ANKS1B: variants seen among roughly 807,000 people sequenced by gnomAD.
ANKS1B encodes the protein ankyrin repeat and sterile alpha motif domain containing 1B.
ANKS1B carries 36 observed loss-of-function variants against 148.3 expected under a neutral mutation model. That is an observed-to-expected ratio of 0.24 (90% CI 0.19 to 0.32). The LOEUF (loss-of-function observed/expected upper bound fraction) is 0.32, where lower values mean the gene tolerates loss of function less well. Among genes scored for constraint, ANKS1B ranks in the 10% least tolerant of loss-of-function variants. The pLI is 1.00. For missense variants in ANKS1B, 1,157 were observed against 1,542.6 expected (o/e 0.75, Z 4.19); for synonymous variants, 542 against 560.8 (o/e 0.97, Z 0.47).
chr12:99,963,587 C>A (rs992676799), intron 1 of ANKS1B, among the ~76,000 whole-genome samples: 1 of 152,170 alleles, frequency 6.6e-6, no homozygotes, highest in Non-Finnish European at 1.5e-5. Context: ...TTTCCCATTT[C>A]TTTGCAATTA....
chr12:99,001,090 G>T (rs1350954731), intron 17 of ANKS1B, among the ~76,000 whole-genome samples: 1 of 152,020 alleles, frequency 6.6e-6, no homozygotes, highest in Non-Finnish European at 1.5e-5. Flanking sequence ...TAGTGCTGCA[G>T]TGAACAGTGG....
intron 1 of ANKS1B, among the ~76,000 whole-genome samples, chr12:99,862,873 AT>A (rs2153720187): frequency 6.6e-6 from 1 of 152,338 alleles, no homozygotes; most frequent in East Asian, 1.9e-4. Flanking sequence ...GGAAGCTGAC[AT>A]GGAGAAGGAA....
At chr12:99,511,841 G>T (rs902397014) in intron 9 of ANKS1B, among the ~76,000 whole-genome samples, 1 of 151,802 alleles carries the variant, frequency 6.6e-6, no homozygotes, top group Non-Finnish European at 1.5e-5. Context: ...AAATGGTGCT[G>T]GGAGAACTGA....
chr12:99,966,527 C>T (rs1202255214), intron 1 of ANKS1B, among the ~76,000 whole-genome samples: 5 of 152,092 alleles, frequency 3.3e-5, no homozygotes, highest in Non-Finnish European at 7.4e-5. Flanking sequence ...AATGCTGACA[C>T]CAGACTGCTC....
At chr12:99,444,588 C>T (rs187570408) in intron 10 of ANKS1B, among the ~76,000 whole-genome samples, 5 of 151,900 alleles carry the variant, frequency 3.3e-5, no homozygotes, top group Admixed American at 6.6e-5. Context: ...GTTTAAAATA[C>T]TTGGGAAAGG....
chr12:99,422,142 C>G (rs566780942), intron 11 of ANKS1B, among the ~76,000 whole-genome samples: 41 of 152,266 alleles, frequency 2.7e-4, no homozygotes, highest in Admixed American at 8.5e-4. Context: ...GCAAGAATGT[C>G]CTAACACACC....
chr12:99,366,244 T>C (rs1329402456), intron 12 of ANKS1B, among the ~76,000 whole-genome samples: 2 of 152,236 alleles, frequency 1.3e-5, no homozygotes, highest in African/African-American at 2.4e-5. Context: ...AGTATCTCCA[T>C]TGATGACTGT....
Position 99,555,591 on chromosome 12 carries a change from T to C in ANKS1B, c.1273-50950A>G, listed in dbSNP as rs542421192. Among the ~76,000 whole-genome samples the C allele has an allele frequency of 2.0e-5, 3 of 152,252 alleles. No homozygotes were observed. The South Asian group carries it at 6.2e-4, about 32-fold the overall frequency. On this transcript the variant is annotated intron_variant, in intron 9 of 26. Coordinates refer to ENST00000683438, the MANE Select transcript of ANKS1B (RefSeq NM_001352186.2). ...GTTGTGGGTTTGTCATAGATGTCTG[T>C]TATTATTTTGAGGTATATTCCTTCA... is the stretch of plus-strand genomic sequence containing the variant.
chr12:98,888,690 C>T (rs1033616785), intron 17 of ANKS1B, among the ~76,000 whole-genome samples: 17 of 152,316 alleles, frequency 1.1e-4, no homozygotes, highest in Admixed American at 5.9e-4. Context: ...CCAGCATCTC[C>T]GTATAGCTGG....
rs532498343 is a variant in ANKS1B at position 99,418,747 on chromosome 12, TG to T, written c.1576-18937del. Among the ~76,000 whole-genome samples the T allele has an allele frequency of 1.5e-4, 23 of 152,328 alleles. No homozygotes were observed. The South Asian group carries it at 2.7e-3, about 18-fold the overall frequency. Reference sequence around the variant, plus strand: ...CCTAATCTTAGAAAGAAAGTCTTCATGTTTTTACCATTAAGTATAATGTTAG... The same window carrying T: ...CCTAATCTTAGAAAGAAAGTCTTCATTTTTTACCATTAAGTATAATGTTAG... On this transcript the variant is annotated intron_variant, in intron 11 of 26. Coordinates refer to ENST00000683438, the MANE Select transcript of ANKS1B (RefSeq NM_001352186.2).
intron 8 of ANKS1B, among the ~76,000 whole-genome samples, chr12:99,717,113 G>A (rs959416518): frequency 2.6e-4 from 39 of 152,200 alleles, no homozygotes; most frequent in African/African-American, 8.7e-4. Context: ...TTCATGGCTC[G>A]TTTGGCAGCA....
exon 10 of ANKS1B, chr12:98,735,491 G>T: frequency 1.7e-6 from 1 of 592,922 alleles, no homozygotes; most frequent in South Asian, 2.3e-5. Flanking sequence ...CCACTAAAGT[G>T]AAGGATTCAA....
At chr12:98,743,609 G>GA (rs922873144), downstream of ANKS1B, among the ~76,000 whole-genome samples, 11 of 152,212 alleles carry the variant, frequency 7.2e-5, no homozygotes, top group South Asian at 2.1e-4. Context: ...TGTGTGTATA[G>GA]AAAAAAATGA....
At chr12:99,286,893 C>A (rs1203279814) in intron 12 of ANKS1B, among the ~76,000 whole-genome samples, 1 of 152,100 alleles carries the variant, frequency 6.6e-6, no homozygotes, top group Non-Finnish European at 1.5e-5. Flanking sequence ...GAATAGAGTA[C>A]CAAGTAGATT....
At chr12:99,145,907 A>G (rs561252716) in intron 15 of ANKS1B, among the ~76,000 whole-genome samples, 1 of 152,088 alleles carries the variant, frequency 6.6e-6, no homozygotes, top group Non-Finnish European at 1.5e-5. Context: ...ACTAATATTG[A>G]CCGTATTGGT....
intron 1 of ANKS1B, among the ~76,000 whole-genome samples, chr12:99,829,135 AAC>A (rs2083584616): frequency 6.6e-6 from 1 of 152,232 alleles, no homozygotes; most frequent in East Asian, 1.9e-4. Context: ...TTAAAGTCAA[AAC>A]ACAGAAAACA....
chr12:99,365,530 G>GGA (rs1302200688), intron 12 of ANKS1B, among the ~76,000 whole-genome samples: 1 of 152,152 alleles, frequency 6.6e-6, no homozygotes, highest in Non-Finnish European at 1.5e-5. Context: ...TATAGAGAGT[G>GGA]GAGAGTTGTA....
intron 8 of ANKS1B, among the ~76,000 whole-genome samples, chr12:99,686,163 A>G (rs1599674564): frequency 6.6e-6 from 1 of 152,286 alleles, no homozygotes; most frequent in South Asian, 2.1e-4. Context: ...AAATAAGCAG[A>G]AGACCATTAG....
Position 99,590,250 on chromosome 12 carries a change from ACACC to A in ANKS1B, c.1272+64813_1272+64816del, listed in dbSNP as rs372718235. 8.7e-4 allele frequency among the ~76,000 whole-genome samples: 125 copies of A among 143,842 alleles called. 1 individual carries two copies. The highest frequency in any genetic ancestry group is 8.6e-3 in the East Asian group (42 of 4,860). The allele number at this position is 143,842 out of a possible 152,430, so 94.4% of individuals were successfully genotyped here. ...TCATTTAAAACATTCACTCACACCC[ACACC>A]CACCCACACACACACACACACACAC... On this transcript the variant is annotated intron_variant, in intron 9 of 26. Transcript: ENST00000683438.
Sources: gnomAD v4.1 joint callset for allele counts (sites outside exome capture counted in the v4.1 genomes callset) on GRCh38, gnomAD v4.1.1 for gene constraint, MANE v1.5 for transcripts, NCBI Gene and HGNC (gene_info 2026-07-23, HGNC 2026-07-21) for gene names.